AFF1: variants seen among roughly 807,000 people sequenced by gnomAD.
The protein encoded by AFF1 is ALF transcription elongation factor 1, also known as AF4/FMR2 family member 1.
Under a neutral mutation model 121.7 loss-of-function variants are expected in AFF1, and 48 were observed. The observed-to-expected ratio is 0.39, with a 90% CI of 0.31 to 0.50. AFF1 has a LOEUF of 0.50. Ranked by LOEUF, AFF1 falls within the 20% of genes least tolerant of loss-of-function variation. AFF1 has a pLI of 0.76. For missense variants in AFF1, 1,523 were observed against 1,511.7 expected (o/e 1.01, Z -0.12); for synonymous variants, 613 against 563.0 (o/e 1.09, Z -1.26).
chr4:87,127,841 A>G lies in AFF1; in HGVS notation c.2964+138A>G, dbSNP rs1174103406. 3.6e-6 allele frequency: 3 copies of G among 844,030 alleles called. No homozygotes were observed. In the African/African-American group the frequency reaches 5.1e-5, roughly 14 times the overall value. 52.3% of individuals were successfully genotyped at this position (844,030 alleles called of 1,614,324 possible). A position where few individuals can be genotyped will look rare whatever the true frequency, so the allele number is the denominator to read the frequency against. On this transcript the variant is annotated intron_variant, in intron 16 of 20. Coordinates refer to ENST00000395146, the MANE Select transcript of AFF1 (RefSeq NM_001166693.3). ...GAGGGGGTGCAGCAGGCGCAGGAGA[A>G]AGGAGTGTATGGGCCCTACCATTGG...
At chr4:86,950,401 C>A (rs7671460) in intron 2 of AFF1, among the ~76,000 whole-genome samples, 9,673 of 152,268 alleles carry the variant, frequency 0.064, 1,017 homozygotes, top group African/African-American at 0.22. Context: ...AATTCCTAAC[C>A]TCAGGTGATC....
At chr4:87,123,560 G>A (rs1241169740) in intron 12 of AFF1, among the ~76,000 whole-genome samples, 4 of 152,180 alleles carry the variant, frequency 2.6e-5, no homozygotes, top group East Asian at 1.9e-4. Context: ...GAAGGAAGCC[G>A]TTTTGAAACA....
At chr4:87,008,247 AAGT>A (rs1222102382) in intron 2 of AFF1, among the ~76,000 whole-genome samples, 1 of 152,124 alleles carries the variant, frequency 6.6e-6, no homozygotes, top group Non-Finnish European at 1.5e-5. Flanking sequence ...CACATATTTA[AAGT>A]AGTAGGGTTC....
chr4:87,016,484 G>A (rs1338539067), intron 2 of AFF1, among the ~76,000 whole-genome samples: 2 of 151,526 alleles, frequency 1.3e-5, no homozygotes, highest in African/African-American at 2.4e-5. Context: ...CTGGGAGGGC[G>A]GAGCTTGCAG....
chr4:87,027,573 A>G (rs1409456222), intron 2 of AFF1, among the ~76,000 whole-genome samples: 1 of 152,192 alleles, frequency 6.6e-6, no homozygotes, highest in Non-Finnish European at 1.5e-5. Flanking sequence ...GGGGCACACA[A>G]CGATCCTACC....
intron 1 of AFF1, chr4:86,935,998 T>C (rs10034541): frequency 1.3e-5 from 2 of 151,996 alleles, no homozygotes; most frequent in South Asian, 4.2e-4. Context: ...CTTAGTGTAA[T>C]GGTAGTTGCA....
chr4:86,937,644 C>T lies in AFF1; in HGVS notation c.-37+2404C>T, dbSNP rs1274594460. Among the ~76,000 whole-genome samples, 5 of 152,170 alleles carry T rather than the reference C, an allele frequency of 3.3e-5. No homozygotes were observed. The East Asian group carries it at 7.7e-4, about 23-fold the overall frequency. On this transcript the variant is annotated intron_variant, in intron 1 of 20. Coordinates refer to ENST00000395146, the MANE Select transcript of AFF1 (RefSeq NM_001166693.3). ...TCACTTAGGCTGGAGTGCGGTGGCA[C>T]GATCATAGCTCACTGCAACCTCCAA...
chr4:87,126,372 T>C (rs1728249840), intron 14 of AFF1, 36 bp downstream of exon 14: 1 of 1,578,446 alleles, frequency 6.3e-7, no homozygotes, highest in African/African-American at 1.3e-5. Context: ...TAAGATGGGA[T>C]GCATTGCTGT....
Position 87,136,799 on chromosome 4 carries a change from A to ATATT in AFF1, c.*1102_*1105dup, listed in dbSNP as rs1729337262. 9.0e-6 allele frequency: 2 copies of ATATT among 222,478 alleles called. No homozygotes were observed. The highest frequency in any genetic ancestry group is 5.7e-5 in the Admixed American group (1 of 17,458). 13.8% of individuals were successfully genotyped at this position (222,478 alleles called of 1,614,324 possible). A position where few individuals can be genotyped will look rare whatever the true frequency, so the allele number is the denominator to read the frequency against. On this transcript the variant is annotated 3_prime_UTR_variant, in exon 21 of 21. Coordinates refer to ENST00000395146, the MANE Select transcript of AFF1 (RefSeq NM_001166693.3). Reference sequence around the variant, plus strand: ...TATATTTTTCTGCTACAAATATTTTATATTTATAGCAAAACTAGACTTTCA... The same window carrying ATATT: ...TATATTTTTCTGCTACAAATATTTTATATTTATTTATAGCAAAACTAGACTTTCA...
intron 2 of AFF1, among the ~76,000 whole-genome samples, chr4:86,968,002 C>T (rs1232530468): frequency 1.3e-5 from 2 of 152,098 alleles, no homozygotes; most frequent in Non-Finnish European, 2.9e-5. Flanking sequence ...AACTAAGTAG[C>T]AGAGAAGGCT....
chr4:87,094,688 G>C (rs777161479), intron 7 of AFF1, among the ~76,000 whole-genome samples: 1 of 152,186 alleles, frequency 6.6e-6, no homozygotes, highest in African/African-American at 2.4e-5. Flanking sequence ...TCATAGGTAG[G>C]GTATGCTGCA....
At chr4:87,123,950 T>C (rs1727966315) in intron 12 of AFF1, among the ~76,000 whole-genome samples, 1 of 152,224 alleles carries the variant, frequency 6.6e-6, no homozygotes, top group Admixed American at 6.5e-5. Context: ...TCGTTCTAAA[T>C]GCACATGAGA....
At chr4:87,022,752 A>C (rs7683277) in intron 2 of AFF1, among the ~76,000 whole-genome samples, 2 of 149,780 alleles carry the variant, frequency 1.3e-5, no homozygotes, top group Non-Finnish European at 3.0e-5. Context: ...GTGTGTATAT[A>C]TATATAATAT....
intron 2 of AFF1, chr4:86,949,772 C>A: frequency 6.2e-7 from 1 of 1,612,714 alleles, no homozygotes; most frequent in Non-Finnish European, 8.5e-7. Context: ...CTGGGTGAAG[C>A]CCACCAGGGA....
chr4:86,995,928 C>G (rs374024960), intron 2 of AFF1, among the ~76,000 whole-genome samples: 1 of 151,328 alleles, frequency 6.6e-6, no homozygotes, highest in South Asian at 2.1e-4. Context: ...CCTGCCGCCC[C>G]GTCCGGGATG....
chr4:87,010,067 A>G (rs1726581451), intron 2 of AFF1, among the ~76,000 whole-genome samples: 1 of 152,206 alleles, frequency 6.6e-6, no homozygotes, highest in African/African-American at 2.4e-5. Context: ...ACTCCTTAAG[A>G]CAAGATACTG....
chr4:87,046,037 A>G, intron 2 of AFF1, 129 bp from the exon 3 acceptor site: 3 of 1,167,112 alleles, frequency 2.6e-6, no homozygotes, highest in Non-Finnish European at 3.6e-6. Context: ...GCTTTCTTTA[A>G]ATCACAGCCG....
chr4:86,986,083 T>TTTAAC (rs1724251370), intron 2 of AFF1, among the ~76,000 whole-genome samples: 1 of 149,460 alleles, frequency 6.7e-6, no homozygotes, highest in South Asian at 2.1e-4. Context: ...TTTAATTTAA[T>TTTAAC]GTAATTGGAG....
chr4:86,980,629 A>G (rs1723658915), intron 2 of AFF1, among the ~76,000 whole-genome samples: 2 of 152,242 alleles, frequency 1.3e-5, no homozygotes, highest in South Asian at 2.1e-4. Context: ...ATAGGACAAC[A>G]TGTACAATAA....
Sources: gnomAD v4.1 joint callset for allele counts (sites outside exome capture counted in the v4.1 genomes callset) on GRCh38, gnomAD v4.1.1 for gene constraint, MANE v1.5 for transcripts, NCBI Gene and HGNC (gene_info 2026-07-23, HGNC 2026-07-21) for gene names.